The following PCDH11Y variants were observed in gnomAD, a reference collection of about 807,000 sequenced individuals.
PCDH11Y encodes protocadherin 11 Y-linked.
For missense variants in PCDH11Y, 12 were observed against 224.8 expected (o/e 0.05, Z 6.05); for synonymous variants, 9 against 83.6 (o/e 0.11, Z 4.87).
At chrY:5,215,755 A>AC in intron 2 of PCDH11Y, among the ~76,000 whole-genome samples, 1 of 25,548 alleles carries the variant, frequency 3.9e-5, no homozygotes, top group Non-Finnish European at 9.3e-5. Flanking sequence ...AGAAGTCTAC[A>AC]CCCTCCTCTT....
intron 3 of PCDH11Y, among the ~76,000 whole-genome samples, chrY:5,046,333 C>G: frequency 1.2e-4 from 4 of 33,422 alleles, no homozygotes; most frequent in Admixed American, 2.7e-4. Context: ...TCCTAACAGA[C>G]AGGACCCTCA....
At chrY:5,068,178 A>G (rs2052691151) in intron 1 of PCDH11Y, among the ~76,000 whole-genome samples, 6 of 31,162 alleles carry the variant, frequency 1.9e-4, no homozygotes, top group Admixed American at 1.8e-3. Context: ...GTGCATTGCC[A>G]CAAGGAATTA....
At chrY:5,507,713 T>C in intron 3 of PCDH11Y, among the ~76,000 whole-genome samples, 2 of 32,531 alleles carry the variant, frequency 6.1e-5, no homozygotes, top group Non-Finnish European at 1.5e-4. Flanking sequence ...AAGCTGCCAG[T>C]TGAAAGCCAA....
chrY:5,619,690 A>G, intron 4 of PCDH11Y, among the ~76,000 whole-genome samples: 1 of 33,100 alleles, frequency 3.0e-5, no homozygotes, highest in East Asian at 7.9e-4. Flanking sequence ...GACACTTGTA[A>G]TAACATATAA....
At chrY:5,691,444 C>G in intron 4 of PCDH11Y, among the ~76,000 whole-genome samples, 1 of 32,620 alleles carries the variant, frequency 3.1e-5, no homozygotes, top group Non-Finnish European at 7.5e-5. Context: ...GAGTTGAGAG[C>G]AGTTCTTAGT....
intron 2 of PCDH11Y, among the ~76,000 whole-genome samples, chrY:5,385,549 G>C (rs2053213023): frequency 6.1e-5 from 2 of 32,549 alleles, no homozygotes; most frequent in Non-Finnish European, 1.5e-4. Context: ...GTTGAGTGAT[G>C]GGCATTTGGG....
intron 2 of PCDH11Y, among the ~76,000 whole-genome samples, chrY:5,245,109 G>A (rs2124656038): frequency 9.7e-4 from 32 of 32,895 alleles, no homozygotes; most frequent in African/African-American, 3.6e-3. Context: ...ATCTCTCTGG[G>A]CCTGAGTTCC....
intron 3 of PCDH11Y, among the ~76,000 whole-genome samples, chrY:5,040,937 T>C (rs2124622903): frequency 3.1e-5 from 1 of 32,501 alleles, no homozygotes; most frequent in East Asian, 8.1e-4. Context: ...CATAAAATAA[T>C]GAACACTCCA....
chrY:5,454,279 G>A (rs2053295695), intron 2 of PCDH11Y, among the ~76,000 whole-genome samples: 48 of 33,794 alleles, frequency 1.4e-3, no homozygotes, highest in Admixed American at 0.013. Context: ...CCAAGGCACA[G>A]TGGTGGGAAG....
intron 3 of PCDH11Y, among the ~76,000 whole-genome samples, chrY:5,516,115 A>G (rs2053372300): frequency 3.0e-5 from 1 of 33,863 alleles, no homozygotes; most frequent in Non-Finnish European, 7.3e-5. Context: ...CAACAGAGTA[A>G]ACAGACAACT....
chrY:5,295,171 T>C, intron 2 of PCDH11Y, among the ~76,000 whole-genome samples: 1 of 32,860 alleles, frequency 3.0e-5, no homozygotes, highest in African/African-American at 1.2e-4. Flanking sequence ...TTAGGATCCT[T>C]TCTTTATCCT....
intron 2 of PCDH11Y, among the ~76,000 whole-genome samples, chrY:5,143,107 T>C: frequency 3.1e-5 from 1 of 32,718 alleles, no homozygotes; most frequent in South Asian, 6.9e-4. Context: ...AGCCAGGACA[T>C]AAAGAGTGAC....
chrY:5,297,744 G>C (rs2124662759), intron 2 of PCDH11Y, among the ~76,000 whole-genome samples: 1 of 33,195 alleles, frequency 3.0e-5, no homozygotes, highest in Non-Finnish European at 7.4e-5. Context: ...CCACAACCAG[G>C]GGCTGGGGGA....
chrY:5,074,954 A>T (rs2052705755), intron 1 of PCDH11Y, among the ~76,000 whole-genome samples: 1 of 33,455 alleles, frequency 3.0e-5, no homozygotes, highest in Admixed American at 2.8e-4. Context: ...TATTTTCAAC[A>T]GTAAAATCAT....
intron 1 of PCDH11Y, among the ~76,000 whole-genome samples, chrY:5,074,226 T>C (rs2052705112): frequency 6.6e-5 from 2 of 30,355 alleles, no homozygotes; most frequent in Non-Finnish European, 1.6e-4. Flanking sequence ...GTTTGACAAA[T>C]GTTTTCTCGG....
chrY:5,591,970 A>G (rs2053462797), intron 4 of PCDH11Y, among the ~76,000 whole-genome samples: 1 of 33,230 alleles, frequency 3.0e-5, no homozygotes, highest in African/African-American at 1.2e-4. Flanking sequence ...GGTCAATTTT[A>G]GAGTATGTGC....
At chrY:5,451,160 G>A in intron 2 of PCDH11Y, among the ~76,000 whole-genome samples, 1 of 33,029 alleles carries the variant, frequency 3.0e-5, no homozygotes, top group African/African-American at 1.2e-4. Context: ...TTCACACAGT[G>A]AATTTATACT....
chrY:5,559,122 C>T, intron 3 of PCDH11Y, among the ~76,000 whole-genome samples: 1 of 32,880 alleles, frequency 3.0e-5, no homozygotes, highest in Non-Finnish European at 7.5e-5. Context: ...CATAATAATT[C>T]TGAAAGAACA....
At chrY:5,446,189 C>T in intron 2 of PCDH11Y, among the ~76,000 whole-genome samples, 2 of 32,831 alleles carry the variant, frequency 6.1e-5, no homozygotes, top group East Asian at 8.1e-4. Context: ...CATGCCATAA[C>T]GAGGGTTTAT....
Sources: gnomAD v4.1 joint callset for allele counts (sites outside exome capture counted in the v4.1 genomes callset) on GRCh38, gnomAD v4.1.1 for gene constraint, MANE v1.5 for transcripts, NCBI Gene and HGNC (gene_info 2026-07-23, HGNC 2026-07-21) for gene names.